Variants in PSORS1C1 observed in about 807,000 individuals in gnomAD.
PSORS1C1 encodes the protein psoriasis susceptibility 1 candidate 1.
Under a neutral mutation model 9.4 loss-of-function variants are expected in PSORS1C1, and 7 were observed. The observed-to-expected ratio is 0.75, with a 90% CI of 0.42 to 1.40. PSORS1C1 has a LOEUF of 1.40. Among genes scored for constraint, PSORS1C1 ranks in the 40% most tolerant of loss-of-function variants. PSORS1C1 has a pLI of 0.01. For missense variants in PSORS1C1, 146 were observed against 178.1 expected, an observed-to-expected ratio of 0.82 and a Z score of 1.02; for synonymous variants, 63 against 69.4, an observed-to-expected ratio of 0.91 and a Z score of 0.46.
At chr6:31,132,125 G>C (rs1460704087) in intron 3 of PSORS1C1, among the ~76,000 whole-genome samples, 1 of 152,210 alleles carries the variant, frequency 6.6e-6, no homozygotes, top group South Asian at 2.1e-4. Flanking sequence ...CTGTGATCCA[G>C]CTACTTGGGA....
intron 1 of PSORS1C1, among the ~76,000 whole-genome samples, chr6:31,122,538 G>A (rs1772508060): frequency 6.6e-6 from 1 of 152,218 alleles, no homozygotes; most frequent in Non-Finnish European, 1.5e-5. Flanking sequence ...CACTATGGGA[G>A]GCCGATGCGG....
chr6:31,133,625 G>C (rs116965697), intron 3 of PSORS1C1: 12 of 152,200 alleles, frequency 7.9e-5, no homozygotes, highest in African/African-American at 2.4e-4. Context: ...CTGAACTCAC[G>C]GCGTTTACTG....
At position 31,138,646 on chromosome 6, in the gene PSORS1C1, T is replaced by C. The variant is rs73397071; in HGVS notation, c.44-10T>C. On this transcript the variant is annotated splice_polypyrimidine_tract_variant and intron_variant, in intron 4 of 5. Transcript: ENST00000259881. ...CTGCAACCCAAAGTGGGTTACACCT[T>C]GGCCCCCAGGCACACAGACCCCAGC... is the stretch of plus-strand genomic sequence containing the variant. The C allele has an allele frequency of 3.1e-4, 502 of 1,613,118 alleles. 1 individual carries two copies. The African/African-American group carries it at 6.2e-3, about 20-fold the overall frequency.
chr6:31,132,471 G>A (rs1772962499), intron 3 of PSORS1C1, among the ~76,000 whole-genome samples: 2 of 142,586 alleles, frequency 1.4e-5, no homozygotes, highest in Admixed American at 7.2e-5. Context: ...GCAGTGGGCT[G>A]AGATCACACC....
intron 1 of PSORS1C1, among the ~76,000 whole-genome samples, chr6:31,119,503 C>G (rs1333467511): frequency 1.3e-5 from 2 of 152,200 alleles, no homozygotes; most frequent in Non-Finnish European, 2.9e-5. Context: ...CCTTCTAATG[C>G]ATGATCTTGA....
At chr6:31,117,235 C>G in intron 1 of PSORS1C1, 1 of 1,613,232 alleles carries the variant, frequency 6.2e-7, no homozygotes, top group Non-Finnish European at 8.5e-7. Context: ...ACCGGATGCA[C>G]CTTGTAGACT....
chr6:31,130,396 C>T (rs1200043361), intron 3 of PSORS1C1, among the ~76,000 whole-genome samples: 1 of 142,880 alleles, frequency 7.0e-6, no homozygotes, highest in Non-Finnish European at 1.5e-5. Flanking sequence ...GCATGCACTA[C>T]CATGGCCTGG....
chr6:31,138,079 G>A, intron 3 of PSORS1C1: 6 of 1,569,420 alleles, frequency 3.8e-6, no homozygotes, highest in Non-Finnish European at 5.2e-6. Context: ...TCAGGCCGGG[G>A]AGGTTGAGGA....
At chr6:31,123,901 C>A (rs1294379044) in intron 1 of PSORS1C1, among the ~76,000 whole-genome samples, 7 of 152,174 alleles carry the variant, frequency 4.6e-5, no homozygotes, top group African/African-American at 1.7e-4. Flanking sequence ...AGGCACTTGG[C>A]TTCAGGGAGG....
At chr6:31,133,395 C>G (rs1773006095) in intron 3 of PSORS1C1, among the ~76,000 whole-genome samples, 1 of 152,112 alleles carries the variant, frequency 6.6e-6, no homozygotes, top group Non-Finnish European at 1.5e-5. Context: ...CACACGAAGG[C>G]TGATGCACAT....
intron 1 of PSORS1C1, among the ~76,000 whole-genome samples, chr6:31,124,527 G>T (rs114235219): frequency 0.035 from 5,390 of 152,226 alleles, 287 homozygotes; most frequent in African/African-American, 0.11. Context: ...GGACTTCCAG[G>T]CCCACATAGA....
intron 1 of PSORS1C1, among the ~76,000 whole-genome samples, chr6:31,123,277 C>T (rs28732098): frequency 0.035 from 5,400 of 152,336 alleles, 129 homozygotes; most frequent in South Asian, 0.077. Context: ...CACCTGTGGG[C>T]CCTTGAGCTC....
In PSORS1C1 at chr6:31,138,411, T is replaced by A; in HGVS notation, c.14-19T>A. 1 of 1,588,700 alleles carries A rather than the reference T, an allele frequency of 6.3e-7. No homozygotes were observed. The highest frequency in any genetic ancestry group is 2.3e-5 in the East Asian group (1 of 43,454). On this transcript the variant is annotated intron_variant, in intron 3 of 5. Transcript: ENST00000259881. ...GGAGCCTGTCTGGATGGACGCAGCC[T>A]GAACTGACCCACAAACAGACCAAAA...
At chr6:31,117,617 G>C in intron 1 of PSORS1C1, 1 of 1,149,978 alleles carries the variant, frequency 8.7e-7, no homozygotes, top group Non-Finnish European at 1.3e-6. Context: ...TCGGCCTCTC[G>C]GGTTTCTCCC....
chr6:31,114,815 C>A lies in PSORS1C1; in HGVS notation c.-305C>A, dbSNP rs932822847. 6 of 454,654 alleles carry A rather than the reference C, an allele frequency of 1.3e-5. No individual in the cohort carries two copies. In the Middle Eastern group the frequency reaches 9.8e-4, roughly 74 times the overall value. The allele number at this position is 454,654 out of a possible 1,614,324, so 28.2% of individuals were successfully genotyped here. A position where few individuals can be genotyped will look rare whatever the true frequency, so the allele number is the denominator to read the frequency against. ...TCTGGTTGGAGTTGTTGTGTCCCAGCCTTCCCAAGCTTCCAGGTGTCCCAG... is the reference window on the plus strand; with the variant it reads ...TCTGGTTGGAGTTGTTGTGTCCCAGACTTCCCAAGCTTCCAGGTGTCCCAG... On this transcript the variant is annotated 5_prime_UTR_variant, in exon 1 of 6. Coordinates refer to ENST00000259881, the MANE Select transcript of PSORS1C1 (RefSeq NM_014068.3).
Position 31,140,013 on chromosome 6 carries a change from T to C in PSORS1C1, c.*81T>C, listed in dbSNP as rs1773367076. On this transcript the variant is annotated 3_prime_UTR_variant, in exon 6 of 6. Coordinates refer to ENST00000259881, the MANE Select transcript of PSORS1C1 (RefSeq NM_014068.3). This position sits in a 1 kb window ranked among gnomAD's most constrained non-coding sequence, Gnocchi z 4.6. ...CTGTTAGCCTTTCAGAAGTAACATG[T>C]CCAAAATAAAATTTGATTCCTCCCA... 2 of 1,370,154 alleles carry C rather than the reference T, an allele frequency of 1.5e-6. No homozygotes were observed. The highest frequency in any genetic ancestry group is 4.0e-5 in the Admixed American group (2 of 50,544). 84.9% of individuals were successfully genotyped at this position (1,370,154 alleles called of 1,614,324 possible). A position where few individuals can be genotyped will look rare whatever the true frequency, so the allele number is the denominator to read the frequency against.
chr6:31,119,533 T>C (rs9263672), intron 1 of PSORS1C1, among the ~76,000 whole-genome samples: 117,762 of 152,018 alleles, frequency 0.77, 46,270 homozygotes, highest in African/African-American at 0.9. Context: ...CTAACTTCTC[T>C]GAGCCTCAGT....
In PSORS1C1 at chr6:31,138,719, C is replaced by T. The variant is rs1423815232; in HGVS notation, c.107C>T (p.Thr36Ile). 6.3e-7 allele frequency: 1 copy of T among 1,599,934 alleles called. No homozygotes were observed. The highest frequency in any genetic ancestry group is 8.5e-7 in the Non-Finnish European group (1 of 1,174,670). Residue 36 changes from threonine (T) to isoleucine (I), a missense_variant, in exon 5 of 6, where the codon ACT (threonine) becomes ATT (isoleucine). Physicochemically the swap from Thr to Ile is moderately conservative, Grantham distance 89 (BLOSUM62 -1). Transcript: ENST00000259881. ...LLNTDPSSEETRPPHVNPDRL... is the reference protein window; with the variant it reads ...LLNTDPSSEEIRPPHVNPDRL... ...AACACAGATCCCAGCTCCGAGGAAA[C>T]TCGTCCCCCCCACGTTAATCCTGAC... is the stretch of plus-strand genomic sequence containing the variant.
chr6:31,137,917 G>A (rs953422423), intron 3 of PSORS1C1: 4 of 1,141,438 alleles, frequency 3.5e-6, no homozygotes, highest in African/African-American at 1.6e-5. Context: ...GGTGCCTGGA[G>A]ATGCCTGGGA....
Sources: allele counts gnomAD v4.1 joint callset (sites outside exome capture counted in the v4.1 genomes callset), GRCh38; gene constraint gnomAD v4.1.1; non-coding constraint Gnocchi (gnomAD v3.1); transcripts MANE v1.5; gene names NCBI Gene and HGNC (gene_info 2026-07-23, HGNC 2026-07-21).